Variants in NFKBIB observed in about 807,000 individuals in gnomAD.
The protein encoded by NFKBIB is NF-kappa-B inhibitor beta.
NFKBIB carries 16 observed loss-of-function variants against 32.1 expected under a neutral mutation model. The observed-to-expected ratio is 0.50, with a 90% CI of 0.34 to 0.76. The LOEUF (loss-of-function observed/expected upper bound fraction) is 0.76, where lower values mean the gene tolerates loss of function less well. Ranked by LOEUF, NFKBIB falls within the 30% of genes least tolerant of loss-of-function variation. The pLI is 0.01. For missense variants in NFKBIB, 437 were observed against 514.9 expected (o/e 0.85, Z 1.46); for synonymous variants, 222 against 219.5 (o/e 1.01, Z -0.10).
chr19:38,907,881 A>C (rs1974194285), intron 5 of NFKBIB: 1 of 1,388,082 alleles, frequency 7.2e-7, no homozygotes, highest in East Asian at 2.6e-5. Context: ...GCAAAGGTAG[A>C]ACTCAGGCAG....
In NFKBIB at chr19:38,907,650, A is replaced by C. The variant is rs1358123854; in HGVS notation, c.960A>C (p.Gly320=). The change falls in exon 5 of 6, where the codon GGA becomes GGC. Residue 320 remains glycine (G), a synonymous_variant. Transcript: ENST00000313582. The stretch of plus-strand genomic sequence containing the variant: ...GCAGCAGTAGCGACAGCGACAGCGG[A>C]GACGAGGGCGTGAGTCAGGAGGAGA... The part of the protein sequence containing the change: ...PCSSSSDSDS[G]DEGDEYDDIV... 2 of 1,604,114 alleles carry C rather than the reference A, an allele frequency of 1.2e-6. No homozygotes were observed. Among genetic ancestry groups the C allele is most frequent in the Admixed American group, 3.4e-5 (2 of 58,604 alleles).
intron 5 of NFKBIB, 120 bp from the exon 6 acceptor site, chr19:38,908,611 G>A (rs1232340191): frequency 1.4e-6 from 2 of 1,405,490 alleles, no homozygotes; most frequent in African/African-American, 1.5e-5. Flanking sequence ...GGTTGAGCCA[G>A]GAGCAGGGGA....
rs558129468 is a variant in NFKBIB, at chr19:38,902,185, A to G, written c.179+1974A>G. Among the ~76,000 whole-genome samples, 3 of 140,440 alleles carry G rather than the reference A, an allele frequency of 2.1e-5. No individual in the cohort carries two copies. The South Asian group carries it at 7.0e-4, about 33-fold the overall frequency. The allele number at this position is 140,440 out of a possible 152,430, so 92.1% of individuals were successfully genotyped here. A position where few individuals can be genotyped will look rare whatever the true frequency, so the allele number is the denominator to read the frequency against. ...AAGCTCCGCCTCCCAGGTTCATGCC[A>G]TTCTCCTGCCTCAGCCTCCCGAGTA... On this transcript the variant is annotated intron_variant, in intron 1 of 5. Coordinates refer to ENST00000313582, the MANE Select transcript of NFKBIB (RefSeq NM_002503.5).
rs1269823308 is a variant in NFKBIB at position 38,905,284 on chromosome 19, C to T, written c.368C>T (p.Ala123Val). The T allele has an allele frequency of 2.1e-5, 34 of 1,602,018 alleles. No individual in the cohort carries two copies. Among genetic ancestry groups the T allele is most frequent in the Admixed American group, 5.1e-5 (3 of 59,090 alleles). Residue 123 changes from alanine to valine, a missense_variant, in exon 3 of 6, where the codon GCG (alanine) becomes GTG (valine). By Grantham distance (64) the Ala-to-Val change is moderately conservative. Transcript: ENST00000313582. This position sits in a 1 kb window ranked among gnomAD's most constrained non-coding sequence, Gnocchi z 5.5. ...GCAGCAGGCGCCGGGCTGTGTGTGG[C>T]GGAGCGTAGGGGCCACACGGCGCTG... ...LYAAGAGLCV[A>V]ERRGHTALHL...
rs781776389 is a variant in NFKBIB at position 38,900,013 on chromosome 19, C to T, written c.-20C>T. On this transcript the variant is annotated 5_prime_UTR_variant, in exon 1 of 6. Coordinates refer to ENST00000313582, the MANE Select transcript of NFKBIB (RefSeq NM_002503.5). Reference sequence around the variant, plus strand: ...GCTACAGGCGGGCGACTGCGGGGGGCCCCTGAGGCGGCGGGGGCCATGGCT... The same window carrying T: ...GCTACAGGCGGGCGACTGCGGGGGGTCCCTGAGGCGGCGGGGGCCATGGCT... 409 of 1,450,072 alleles carry T rather than the reference C, an allele frequency of 2.8e-4. No individual in the cohort carries two copies. Among genetic ancestry groups the T allele is most frequent in the Non-Finnish European group, 3.1e-4 (343 of 1,104,190 alleles). The allele number at this position is 1,450,072 out of a possible 1,614,324, so 89.8% of individuals were successfully genotyped here.
In NFKBIB at chr19:38,905,639, T is replaced by A. The variant is rs1433724048; in HGVS notation, c.619+104T>A. 1.2e-5 allele frequency: 11 copies of A among 920,768 alleles called. No individual in the cohort carries two copies. Among genetic ancestry groups the A allele is most frequent in the Non-Finnish European group, 1.8e-5 (11 of 613,842 alleles). 57.0% of individuals were successfully genotyped at this position (920,768 alleles called of 1,614,324 possible). ...TGAGACTGAGCTCCTTGGGAAATCATGCCTAGGCTTCAGGAGCCCACACAT... is the reference window on the plus strand; with the variant it reads ...TGAGACTGAGCTCCTTGGGAAATCAAGCCTAGGCTTCAGGAGCCCACACAT... On this transcript the variant is annotated intron_variant, in intron 3 of 5. Transcript: ENST00000313582. The surrounding 1 kb of genome is among the most constrained non-coding windows in gnomAD (Gnocchi z 5.5).
At position 38,907,187 on chromosome 19, in the gene NFKBIB, C is replaced by T. The variant is rs368245350; in HGVS notation, c.620-34C>T. The T allele has an allele frequency of 5.7e-5, 90 of 1,579,176 alleles. No individual in the cohort carries two copies. The Middle Eastern group carries it at 8.4e-4, about 15-fold the overall frequency. On this transcript the variant is annotated intron_variant, in intron 3 of 5. Transcript: ENST00000313582. ...CACGGTGGGGTGGGGGGGGCCCTCA[C>T]CTCATCATCTGACGCCAATCACTCT...
At chr19:38,900,407 T>G (rs1258404404) in intron 1 of NFKBIB, among the ~76,000 whole-genome samples, 196 bp downstream of exon 1, 1 of 152,226 alleles carries the variant, frequency 6.6e-6, no homozygotes, top group Non-Finnish European at 1.5e-5. Context: ...AACCCAATCA[T>G]TTCTTACCTT....
chr19:38,902,079 T>C (rs1233343966), intron 1 of NFKBIB, among the ~76,000 whole-genome samples: 1 of 111,846 alleles, frequency 8.9e-6, no homozygotes, highest in African/African-American at 3.0e-5. Flanking sequence ...GTTTTTCATT[T>C]TATTTCTTTT....
chr19:38,906,812 G>C (rs1275900301), intron 3 of NFKBIB, among the ~76,000 whole-genome samples: 1 of 152,060 alleles, frequency 6.6e-6, no homozygotes, highest in Non-Finnish European at 1.5e-5. Flanking sequence ...ATGTTGCCCA[G>C]GCAGCTTCTT....
At position 38,905,180 on chromosome 19, in the gene NFKBIB, C is replaced by T. The variant is rs1256031228; in HGVS notation, c.286-22C>T. 56 of 1,606,076 alleles carry T rather than the reference C, an allele frequency of 3.5e-5. No homozygotes were observed. The highest frequency in any genetic ancestry group is 6.7e-5 in the African/African-American group (5 of 74,786). On this transcript the variant is annotated intron_variant, in intron 2 of 5. Transcript: ENST00000313582. The surrounding 1 kb of genome is among the most constrained non-coding windows in gnomAD (Gnocchi z 5.5). ...CAGGGTTCCCAGTGTGACTCCCTAC[C>T]GCCTGTCCTCTGCTTCTGCAGACAG...
rs1167662063 is a variant in NFKBIB at position 38,907,145 on chromosome 19, C to T, written c.620-76C>T. On this transcript the variant is annotated intron_variant, in intron 3 of 5. Coordinates refer to ENST00000313582, the MANE Select transcript of NFKBIB (RefSeq NM_002503.5). ...CTAATCACCCTCACGCCACATGACC[C>T]TCCCCCAGGATCAAAGCACGGTGGG... is the stretch of plus-strand genomic sequence containing the variant. 1.0e-5 allele frequency: 14 copies of T among 1,361,716 alleles called. No homozygotes were observed. In the South Asian group the frequency reaches 1.1e-4, roughly 11 times the overall value. The allele number at this position is 1,361,716 out of a possible 1,614,324, so 84.4% of individuals were successfully genotyped here.
At chr19:38,907,174 G>T (rs187047566) in intron 3 of NFKBIB, 47 bp from the exon 4 acceptor site, 12 of 1,518,124 alleles carry the variant, frequency 7.9e-6, no homozygotes, top group Admixed American at 1.7e-5. Context: ...CGGTGGGGTG[G>T]GGGGGGCCCT....
chr19:38,901,845 T>C (rs17883664), intron 1 of NFKBIB, among the ~76,000 whole-genome samples: 11,630 of 152,082 alleles, frequency 0.076, 1,330 homozygotes, highest in African/African-American at 0.25. Context: ...CCTCCCAAAG[T>C]GCTGGGTTAC....
intron 1 of NFKBIB, among the ~76,000 whole-genome samples, chr19:38,900,457 T>C (rs1313142224): frequency 3.9e-5 from 6 of 152,212 alleles, no homozygotes; most frequent in Non-Finnish European, 8.8e-5. Flanking sequence ...GGAATCCACA[T>C]TGTATCCACT....
chr19:38,908,376 TA>T, intron 5 of NFKBIB: 1 of 806,920 alleles, frequency 1.2e-6, no homozygotes, highest in Non-Finnish European at 1.5e-6. Flanking sequence ...CTGTCTCTAC[TA>T]AAAATACAAA....
chr19:38,901,460 A>G (rs1973959432), intron 1 of NFKBIB, among the ~76,000 whole-genome samples: 1 of 151,192 alleles, frequency 6.6e-6, no homozygotes, highest in East Asian at 1.9e-4. Flanking sequence ...ATGCCTGGCA[A>G]ATTTTTAAAT....
chr19:38,902,365 C>T (rs11083485), intron 1 of NFKBIB, among the ~76,000 whole-genome samples: 82,262 of 151,800 alleles, frequency 0.54, 25,020 homozygotes, highest in East Asian at 0.96. Flanking sequence ...CCACCGCGCC[C>T]GGCCTCATTT....
chr19:38,901,654 G>C (rs1454600895), intron 1 of NFKBIB, among the ~76,000 whole-genome samples: 1 of 152,044 alleles, frequency 6.6e-6, no homozygotes, highest in African/African-American at 2.4e-5. Context: ...CCCACACCTG[G>C]CTAATTTTTG....
Sources: allele counts gnomAD v4.1 joint callset (sites outside exome capture counted in the v4.1 genomes callset), GRCh38; gene constraint gnomAD v4.1.1; non-coding constraint Gnocchi (gnomAD v3.1); transcripts MANE v1.5; gene names NCBI Gene and HGNC (gene_info 2026-07-23, HGNC 2026-07-21).